RCAN1: variants seen among roughly 807,000 people sequenced by gnomAD.
The protein encoded by RCAN1 is calcipressin-1.
In RCAN1, 11 loss-of-function variants were observed where a neutral mutation model predicts 22.9. The ratio of observed to expected loss-of-function variants is 0.48; its 90% CI spans 0.30 to 0.79. The LOEUF is 0.79. Among genes scored for constraint, RCAN1 ranks in the 30% least tolerant of loss-of-function variants. The pLI is 0.06. For synonymous variants in RCAN1, 136 were observed against 142.3 expected, an observed-to-expected ratio of 0.96 and a Z score of 0.32; for missense variants, 291 against 337.8, an observed-to-expected ratio of 0.86 and a Z score of 1.09.
In RCAN1 at chr21:34,536,351, C is replaced by T. The variant is rs1219562920; in HGVS notation, c.253-12641G>A. Among the ~76,000 whole-genome samples, 6 of 152,214 alleles carry T rather than the reference C, an allele frequency of 3.9e-5. No individual in the cohort carries two copies. The East Asian group carries it at 1.2e-3, about 29-fold the overall frequency. ...TTAATTTCTGCTTTGATGCCATTCT[C>T]AGCCAGGGGCACAGCACTGCAGCAG... is the stretch of plus-strand genomic sequence containing the variant. On this transcript the variant is annotated intron_variant, in intron 1 of 3. Transcript: ENST00000313806.
intron 1 of RCAN1, chr21:34,525,034 G>A (rs1406422400): frequency 5.2e-6 from 8 of 1,543,892 alleles, no homozygotes; most frequent in African/African-American, 1.4e-5. Flanking sequence ...CCAGGAAGAA[G>A]GGGATGGCGC....
chr21:34,530,329 G>C (rs1356530755), intron 1 of RCAN1, among the ~76,000 whole-genome samples: 1 of 152,138 alleles, frequency 6.6e-6, no homozygotes, highest in Non-Finnish European at 1.5e-5. Flanking sequence ...TTTTCAGTGA[G>C]GAAAAATTAA....
Position 34,518,181 on chromosome 21 carries a change from T to G in RCAN1, c.662A>C (p.Glu221Ala). 6.2e-7 allele frequency: 1 copy of G among 1,614,206 alleles called. No homozygotes were observed. The highest frequency in any genetic ancestry group is 8.5e-7 in the Non-Finnish European group (1 of 1,180,046). Residue 221 changes from glutamate (E) to alanine (A), a missense_variant, in exon 4 of 4, where the codon GAG (glutamate) becomes GCG (alanine). Coordinates refer to ENST00000313806, the MANE Select transcript of RCAN1 (RefSeq NM_004414.7). This position sits in a 1 kb window ranked among gnomAD's most constrained non-coding sequence, Gnocchi z 4.2. ...TTCCATTTCCTCTTCTTCCTCCTTC[T>G]CTTGATCACTCTCACATACATGGAC... ...VVVHVCESDQ[E>A]KEEEEEMERM...
intron 1 of RCAN1, among the ~76,000 whole-genome samples, chr21:34,533,108 C>G (rs1052927767): frequency 4.0e-5 from 6 of 151,602 alleles, no homozygotes. Context: ...CTACAGGTGC[C>G]CGCCACCACG....
chr21:34,593,230 C>T (rs973336705), intron 1 of RCAN1, among the ~76,000 whole-genome samples: 4 of 152,154 alleles, frequency 2.6e-5, no homozygotes, highest in African/African-American at 9.7e-5. Flanking sequence ...TATAGTGAAG[C>T]ACCAATACTT....
chr21:34,529,995 G>A (rs191294009), intron 1 of RCAN1, among the ~76,000 whole-genome samples: 35 of 152,290 alleles, frequency 2.3e-4, no homozygotes, highest in Admixed American at 1.4e-3. Flanking sequence ...ACCTCCCGCC[G>A]TGATTCTGAG....
intron 1 of RCAN1, among the ~76,000 whole-genome samples, chr21:34,609,340 C>T (rs1988623634): frequency 6.6e-6 from 1 of 152,158 alleles, no homozygotes; most frequent in Admixed American, 6.5e-5. Flanking sequence ...AAATGACTGG[C>T]ACTTCCTCAG....
chr21:34,614,361 C>T lies in RCAN1; in HGVS notation c.252+399G>A. ...TTATGAACACTGAGTCACGTCGCCG[C>T]TCAATGTCTGTTTCCTCCTCCCTAG... On this transcript the variant is annotated intron_variant, in intron 1 of 3. Transcript: ENST00000313806. This position sits in a 1 kb window ranked among gnomAD's most constrained non-coding sequence, Gnocchi z 6.0. 1.0e-6 allele frequency: 1 copy of T among 991,628 alleles called. No individual in the cohort carries two copies. 61.4% of individuals were successfully genotyped at this position (991,628 alleles called of 1,614,324 possible). A position where few individuals can be genotyped will look rare whatever the true frequency, so the allele number is the denominator to read the frequency against.
chr21:34,593,821 C>A (rs999790454), intron 1 of RCAN1, among the ~76,000 whole-genome samples: 9 of 152,172 alleles, frequency 5.9e-5, no homozygotes, highest in Non-Finnish European at 1.0e-4. Context: ...ACAGTCCCTG[C>A]CCTCAAAGAG....
At chr21:34,559,358 A>G (rs1011162232) in intron 1 of RCAN1, 17 of 152,212 alleles carry the variant, frequency 1.1e-4, no homozygotes, top group African/African-American at 2.7e-4. Context: ...GATGAGTGCA[A>G]CTTCAAGTAG....
At chr21:34,567,012 T>C (rs1987034542) in intron 1 of RCAN1, among the ~76,000 whole-genome samples, 1 of 152,198 alleles carries the variant, frequency 6.6e-6, no homozygotes, top group South Asian at 2.1e-4. Flanking sequence ...CATTTGAACA[T>C]GACATTTGGA....
chr21:34,552,884 T>C (rs936936627), intron 1 of RCAN1, among the ~76,000 whole-genome samples: 8 of 152,246 alleles, frequency 5.3e-5, no homozygotes, highest in Non-Finnish European at 8.8e-5. Flanking sequence ...TCTGGAGATA[T>C]AGCTTTATGA....
At chr21:34,581,705 C>T (rs1987615468) in intron 1 of RCAN1, among the ~76,000 whole-genome samples, 1 of 152,174 alleles carries the variant, frequency 6.6e-6, no homozygotes, top group South Asian at 2.1e-4. Context: ...ATATTACACA[C>T]TATCAGGGCA....
intron 3 of RCAN1, among the ~76,000 whole-genome samples, chr21:34,519,696 C>A (rs1984353338): frequency 6.6e-6 from 1 of 152,000 alleles, no homozygotes; most frequent in African/African-American, 2.4e-5. Context: ...CGCGCCCGGC[C>A]TGTGCTTGGG....
chr21:34,605,874 C>T (rs1988507597), intron 1 of RCAN1, among the ~76,000 whole-genome samples: 1 of 144,172 alleles, frequency 6.9e-6, no homozygotes, highest in East Asian at 2.1e-4. Flanking sequence ...GAGCTGAGAT[C>T]GTGCCATTGT....
Position 34,523,837 on chromosome 21 carries a change from C to T in RCAN1, c.253-127G>A. 3 of 715,646 alleles carry T rather than the reference C, an allele frequency of 4.2e-6. No homozygotes were observed. The South Asian group carries it at 5.9e-5, about 14-fold the overall frequency. The allele number at this position is 715,646 out of a possible 1,614,324, so 44.3% of individuals were successfully genotyped here. A position where few individuals can be genotyped will look rare whatever the true frequency, so the allele number is the denominator to read the frequency against. ...TTGCTCTGTCACCCAGGCTGGAGTGCAGTGGTGCAGTTTTGGCTCACTGCA... is the reference window on the plus strand; with the variant it reads ...TTGCTCTGTCACCCAGGCTGGAGTGTAGTGGTGCAGTTTTGGCTCACTGCA... On this transcript the variant is annotated intron_variant, in intron 1 of 3. Transcript: ENST00000313806.
intron 1 of RCAN1, among the ~76,000 whole-genome samples, chr21:34,526,427 T>TA (rs1256793438): frequency 6.6e-6 from 1 of 152,220 alleles, no homozygotes; most frequent in East Asian, 1.9e-4. Flanking sequence ...CTCGCCTTCC[T>TA]AGTGAGTTGG....
intron 1 of RCAN1, among the ~76,000 whole-genome samples, chr21:34,571,991 A>G (rs1243979449): frequency 1.3e-5 from 2 of 152,216 alleles, no homozygotes; most frequent in East Asian, 3.8e-4. Context: ...ACTGTGGAAA[A>G]TGATCATCCT....
At chr21:34,584,106 C>A (rs1395405552) in intron 1 of RCAN1, among the ~76,000 whole-genome samples, 1 of 152,214 alleles carries the variant, frequency 6.6e-6, no homozygotes, top group Non-Finnish European at 1.5e-5. Context: ...CCAAGGACAG[C>A]CTGGAACAAT....
Sources: gnomAD v4.1 joint callset for allele counts (sites outside exome capture counted in the v4.1 genomes callset) on GRCh38, gnomAD v4.1.1 for gene constraint, Gnocchi (gnomAD v3.1) non-coding constraint, MANE v1.5 for transcripts, NCBI Gene and HGNC (gene_info 2026-07-23, HGNC 2026-07-21) for gene names.